Variants in FOXN3 observed in about 807,000 individuals in gnomAD.
The protein encoded by FOXN3 is forkhead box protein N3.
Under a neutral mutation model 38.4 loss-of-function variants are expected in FOXN3, and 7 were observed. That is an observed-to-expected ratio of 0.18 (90% CI 0.10 to 0.34). The LOEUF (loss-of-function observed/expected upper bound fraction) is 0.34, where lower values mean the gene tolerates loss of function less well. Ranked by LOEUF, FOXN3 falls within the 10% of genes least tolerant of loss-of-function variation. The pLI, the probability that FOXN3 is intolerant of heterozygous loss-of-function variation, is 1.00. For missense variants in FOXN3, 456 were observed against 613.4 expected, an observed-to-expected ratio of 0.74 and a Z score of 2.71; for synonymous variants, 230 against 242.2, an observed-to-expected ratio of 0.95 and a Z score of 0.47.
intron 2 of FOXN3, among the ~76,000 whole-genome samples, chr14:89,387,220 C>T (rs2140073146): frequency 6.6e-6 from 1 of 152,314 alleles, no homozygotes; most frequent in African/African-American, 2.4e-5. Context: ...CGTGCCACTG[C>T]ACTTTAGCTT....
chr14:89,519,897 A>G (rs1894283952), intron 1 of FOXN3, among the ~76,000 whole-genome samples: 1 of 152,140 alleles, frequency 6.6e-6, no homozygotes, highest in South Asian at 2.1e-4. Context: ...AACAAACAAC[A>G]CTGCCTGAAG....
intron 1 of FOXN3, among the ~76,000 whole-genome samples, chr14:89,442,201 C>T (rs1379597831): frequency 6.6e-6 from 1 of 152,164 alleles, no homozygotes; most frequent in Non-Finnish European, 1.5e-5. Context: ...GCTGGGATTA[C>T]AGCCGTGAGC....
In FOXN3 at chr14:89,163,001, A is replaced by G. The variant is rs547772835; in HGVS notation, c.852-32T>C. ...AGCGAGGACAGTGGGGAGGGACGGG[A>G]GACAAAGAAGGGACACAGTTAGACG... On this transcript the variant is annotated intron_variant, in intron 5 of 5. Coordinates refer to ENST00000557258, the MANE Select transcript of FOXN3 (RefSeq NM_005197.4). This position sits in a 1 kb window ranked among gnomAD's most constrained non-coding sequence, Gnocchi z 4.3. 1.1e-5 allele frequency: 17 copies of G among 1,507,014 alleles called. No individual in the cohort carries two copies. The Admixed American group carries it at 3.7e-4, about 33-fold the overall frequency. The allele number at this position is 1,507,014 out of a possible 1,614,324, so 93.4% of individuals were successfully genotyped here. A position where few individuals can be genotyped will look rare whatever the true frequency, so the allele number is the denominator to read the frequency against.
intron 1 of FOXN3, among the ~76,000 whole-genome samples, chr14:89,465,747 T>C (rs1016645926): frequency 2.6e-5 from 4 of 152,220 alleles, no homozygotes; most frequent in Admixed American, 6.5e-5. Flanking sequence ...TCCTCTCCAA[T>C]TGATGAAGAT....
intron 1 of FOXN3, among the ~76,000 whole-genome samples, chr14:89,534,348 C>T (rs1037624283): frequency 6.6e-6 from 1 of 152,104 alleles, no homozygotes; most frequent in African/African-American, 2.4e-5. Flanking sequence ...GTGATCCACC[C>T]ACTTCAGCCT....
chr14:89,428,692 A>T (rs1030519891), intron 1 of FOXN3, among the ~76,000 whole-genome samples: 1 of 152,198 alleles, frequency 6.6e-6, no homozygotes, highest in Non-Finnish European at 1.5e-5. Context: ...GGTGCTGCCC[A>T]CGTTGGTGAC....
At chr14:89,433,532 C>T (rs1314558267) in intron 1 of FOXN3, among the ~76,000 whole-genome samples, 1 of 151,810 alleles carries the variant, frequency 6.6e-6, no homozygotes. Context: ...AGGCTGGGTG[C>T]GGTGGCTCAC....
chr14:89,585,436 C>G (rs991304138), intron 1 of FOXN3, among the ~76,000 whole-genome samples: 6 of 152,120 alleles, frequency 3.9e-5, no homozygotes, highest in Non-Finnish European at 8.8e-5. Flanking sequence ...GTCATGTCTG[C>G]TTTATCATAT....
chr14:89,224,987 G>T (rs1884587365), intron 4 of FOXN3, among the ~76,000 whole-genome samples: 1 of 151,848 alleles, frequency 6.6e-6, no homozygotes, highest in Admixed American at 6.6e-5. Context: ...AAATTAGCTG[G>T]GTGTGGTGGT....
At chr14:89,493,170 T>C (rs1329909611) in intron 1 of FOXN3, among the ~76,000 whole-genome samples, 1 of 152,128 alleles carries the variant, frequency 6.6e-6, no homozygotes, top group Admixed American at 6.5e-5. Context: ...ACCATGCCAT[T>C]TTACATTCTC....
chr14:89,213,767 C>G (rs893584779), intron 4 of FOXN3, among the ~76,000 whole-genome samples: 7 of 152,150 alleles, frequency 4.6e-5, no homozygotes, highest in Non-Finnish European at 1.0e-4. Context: ...GGCAGTAAGA[C>G]TGCCCCCACC....
chr14:89,303,376 A>C (rs1887277186), intron 3 of FOXN3, among the ~76,000 whole-genome samples: 1 of 151,898 alleles, frequency 6.6e-6, no homozygotes, highest in African/African-American at 2.4e-5. Flanking sequence ...CATGAAACAC[A>C]GGGTATTATA....
chr14:89,368,373 T>C (rs1890218089), intron 2 of FOXN3, among the ~76,000 whole-genome samples: 1 of 149,806 alleles, frequency 6.7e-6, no homozygotes, highest in Non-Finnish European at 1.5e-5. Flanking sequence ...CCAGGCACAG[T>C]GGCTCATACC....
At chr14:89,299,493 G>A (rs139123470) in intron 3 of FOXN3, among the ~76,000 whole-genome samples, 2 of 152,290 alleles carry the variant, frequency 1.3e-5, no homozygotes, top group East Asian at 3.9e-4. Flanking sequence ...TCTCTTTGGT[G>A]CACTCCTGAG....
At chr14:89,333,749 TAAA>T (rs57491119) in intron 3 of FOXN3, among the ~76,000 whole-genome samples, 723 of 57,230 alleles carry the variant, frequency 0.013, 21 homozygotes, top group African/African-American at 0.044. Context: ...GAGAGACTAT[TAAA>T]AAAAAAAAAA....
At chr14:89,472,489 G>A (rs188055843) in intron 1 of FOXN3, among the ~76,000 whole-genome samples, 31 of 152,122 alleles carry the variant, frequency 2.0e-4, no homozygotes, top group Admixed American at 7.2e-4. Context: ...GGGAGGCCAA[G>A]GCGGGCAGAT....
chr14:89,598,393 T>G (rs2139935755), intron 1 of FOXN3, among the ~76,000 whole-genome samples: 1 of 152,328 alleles, frequency 6.6e-6, no homozygotes, highest in African/African-American at 2.4e-5. Context: ...GGATACTCTT[T>G]ACTGAATACT....
intron 1 of FOXN3, among the ~76,000 whole-genome samples, chr14:89,546,329 C>CTTTCTTTTTT (rs1555359724): frequency 1.5e-4 from 12 of 78,314 alleles, no homozygotes; most frequent in African/African-American, 5.9e-4. Context: ...TTTCCTTTTT[C>CTTTCTTTTTT]TTTTTTTTTT....
chr14:89,162,758 T>A lies in FOXN3; in HGVS notation c.1063A>T (p.Ser355Cys). The A allele has an allele frequency of 6.2e-7, 1 of 1,612,892 alleles. No homozygotes were observed. The highest frequency in any genetic ancestry group is 1.1e-5 in the South Asian group (1 of 91,046). ...EFATKGSQEG[S>C]EGSEGSFRSH... ...CGGAAGCTCCCCTCGCTGCCCTCGC[T>A]GCCCTCCTGGCTCCCCTTGGTGGCA... The change falls in exon 6 of 6, where the codon AGC becomes TGC. Residue 355 changes from serine to cysteine, a missense_variant. Physicochemically the swap from Ser to Cys is moderately radical, Grantham distance 112. Transcript: ENST00000557258. This position sits in a 1 kb window ranked among gnomAD's most constrained non-coding sequence, Gnocchi z 7.2.
Sources: gnomAD v4.1 joint callset for allele counts (sites outside exome capture counted in the v4.1 genomes callset) on GRCh38, gnomAD v4.1.1 for gene constraint, Gnocchi (gnomAD v3.1) non-coding constraint, MANE v1.5 for transcripts, NCBI Gene and HGNC (gene_info 2026-07-23, HGNC 2026-07-21) for gene names.